The following ABCG1 variants were observed in gnomAD, a reference collection of about 807,000 sequenced individuals.
ABCG1 encodes ATP-binding cassette sub-family G member 1.
A neutral mutation model predicts 69.2 loss-of-function variants in ABCG1; 29 were observed. That is an observed-to-expected ratio of 0.42 (90% CI 0.31 to 0.57). ABCG1 has a LOEUF of 0.57. ABCG1 is among the 20% of genes least tolerant of loss of function. The probability of loss-of-function intolerance (pLI) is 0.15; values close to 1 mark genes in which losing one functional copy is unlikely to be tolerated. For synonymous variants in ABCG1, 370 were observed against 374.8 expected, an observed-to-expected ratio of 0.99 and a Z score of 0.15; for missense variants, 718 against 898.1, an observed-to-expected ratio of 0.80 and a Z score of 2.56.
At chr21:42,230,339 C>T (rs549236557) in intron 2 of ABCG1, among the ~76,000 whole-genome samples, 5 of 152,296 alleles carry the variant, frequency 3.3e-5, no homozygotes, top group South Asian at 2.1e-4. Context: ...ATAATTTCCC[C>T]GGCCTCAGAT....
intron 2 of ABCG1, among the ~76,000 whole-genome samples, chr21:42,226,525 G>C (rs1478414832): frequency 6.6e-6 from 1 of 152,230 alleles, no homozygotes; most frequent in East Asian, 1.9e-4. Flanking sequence ...CTAGCTTGTT[G>C]CATGTTACAG....
At chr21:42,286,659 C>T (rs751500918) in intron 8 of ABCG1, among the ~76,000 whole-genome samples, 43 of 152,236 alleles carry the variant, frequency 2.8e-4, no homozygotes, top group Middle Eastern at 3.4e-3. Flanking sequence ...AGTAACGGGT[C>T]ACTAACGGAT....
chr21:42,264,297 A>G (rs1463710884), intron 2 of ABCG1, among the ~76,000 whole-genome samples: 1 of 152,102 alleles, frequency 6.6e-6, no homozygotes, highest in African/African-American at 2.4e-5. Flanking sequence ...AACTCAGGAA[A>G]CTCTTTAGTA....
intron 2 of ABCG1, among the ~76,000 whole-genome samples, chr21:42,233,208 C>T (rs183838687): frequency 7.2e-5 from 11 of 152,294 alleles, no homozygotes; most frequent in African/African-American, 2.6e-4. Context: ...TTGTCACCTC[C>T]GTGCTCTGTG....
rs375115974 is a variant in ABCG1 at position 42,244,955 on chromosome 21, A to T, written c.286+19041A>T. Among the ~76,000 whole-genome samples the T allele has an allele frequency of 9.2e-5, 14 of 152,238 alleles. 1 individual carries two copies. Among genetic ancestry groups the T allele is most frequent in the Admixed American group, 2.0e-4 (3 of 15,292 alleles). Reference sequence around the variant, plus strand: ...GGGTGCATTGAAACCACAGGTGAGAACTCCATGTGGGAATCCACCACCCTC... The same window carrying T: ...GGGTGCATTGAAACCACAGGTGAGATCTCCATGTGGGAATCCACCACCCTC... On this transcript the variant is annotated intron_variant, in intron 2 of 14. Coordinates refer to ENST00000398449, the MANE Select transcript of ABCG1 (RefSeq NM_016818.3).
At chr21:42,252,209 G>A (rs1403104433) in intron 2 of ABCG1, among the ~76,000 whole-genome samples, 1 of 152,220 alleles carries the variant, frequency 6.6e-6, no homozygotes, top group Non-Finnish European at 1.5e-5. Context: ...TTCAGGGAGA[G>A]CAATAAGACC....
chr21:42,294,478 C>A (rs1488115374), intron 13 of ABCG1, 64 bp from the exon 14 acceptor site: 3 of 1,353,474 alleles, frequency 2.2e-6, no homozygotes, highest in Non-Finnish European at 3.2e-6. Context: ...CGTGGGCGAG[C>A]CTCCTCTGCA....
In ABCG1 at chr21:42,291,989, CA is replaced by C. The variant is rs1051051570; in HGVS notation, c.1653+336del. Among the ~76,000 whole-genome samples the C allele has an allele frequency of 6.6e-6, 1 of 152,168 alleles. No homozygotes were observed. Among genetic ancestry groups the C allele is most frequent in the Non-Finnish European group, 1.5e-5 (1 of 68,002 alleles). On this transcript the variant is annotated intron_variant, in intron 13 of 14. Coordinates refer to ENST00000398449, the MANE Select transcript of ABCG1 (RefSeq NM_016818.3). The surrounding 1 kb of genome is among the most constrained non-coding windows in gnomAD (Gnocchi z 6.4). ...AGGGGAGCACTGAGGCCCAGAGAGG[CA>C]AAGTGATTTGTCAGGGGGTCACACA...
intron 13 of ABCG1, among the ~76,000 whole-genome samples, chr21:42,293,648 C>G (rs2069139437): frequency 6.9e-6 from 1 of 144,322 alleles, no homozygotes; most frequent in Non-Finnish European, 1.5e-5. Flanking sequence ...ACCACACACA[C>G]TACACACCAC....
intron 2 of ABCG1, among the ~76,000 whole-genome samples, chr21:42,207,218 GATCTGTATATACAGTCCTACAGGCCCCTC>G (rs1473695580): frequency 1.3e-5 from 2 of 152,076 alleles, no homozygotes; most frequent in South Asian, 4.1e-4. Flanking sequence ...GCTTCTGTTA[GATCTGTATATACAGTCCTACAGGCCCCTC>G]AAGTTGTGTT....
chr21:42,219,987 C>G lies in ABCG1; in HGVS notation c.42+683C>G. 1.3e-6 allele frequency: 2 copies of G among 1,553,110 alleles called. No individual in the cohort carries two copies. The highest frequency in any genetic ancestry group is 1.7e-6 in the Non-Finnish European group (2 of 1,147,680). ...GGGGACAGGGATGCGCATTTCACTT[C>G]CCCGAGCTCCGGAGAGGGATGGCGG... On this transcript the variant is annotated intron_variant, in intron 1 of 14. Coordinates refer to ENST00000398449, the MANE Select transcript of ABCG1 (RefSeq NM_016818.3). The surrounding 1 kb of genome is among the most constrained non-coding windows in gnomAD (Gnocchi z 5.3).
chr21:42,252,039 C>G (rs184808327), intron 2 of ABCG1, among the ~76,000 whole-genome samples: 4 of 152,338 alleles, frequency 2.6e-5, no homozygotes, highest in Non-Finnish European at 5.9e-5. Flanking sequence ...GAAACCCCAG[C>G]TGTGGAAACG....
chr21:42,257,178 C>T (rs550418222), intron 2 of ABCG1, among the ~76,000 whole-genome samples: 13 of 152,242 alleles, frequency 8.5e-5, no homozygotes, highest in African/African-American at 2.4e-4. Context: ...AATTAGAGGC[C>T]GAATCTAGAG....
At chr21:42,237,160 T>G (rs542886660) in intron 2 of ABCG1, among the ~76,000 whole-genome samples, 1 of 152,352 alleles carries the variant, frequency 6.6e-6, no homozygotes, top group African/African-American at 2.4e-5. Context: ...TTTGTCACCT[T>G]CTCTCTTCCC....
intron 2 of ABCG1, among the ~76,000 whole-genome samples, chr21:42,264,663 A>G (rs2068472146): frequency 6.6e-6 from 1 of 152,040 alleles, no homozygotes; most frequent in South Asian, 2.1e-4. Context: ...AGGGCAAGAG[A>G]GAGAAGGTGG....
At chr21:42,220,655 C>T (rs1253934465) in intron 1 of ABCG1, among the ~76,000 whole-genome samples, 1 of 152,254 alleles carries the variant, frequency 6.6e-6, no homozygotes, top group Non-Finnish European at 1.5e-5. Context: ...GCCTTCCCTG[C>T]GTGGCTTCTA....
Position 42,227,749 on chromosome 21 carries a change from G to C in ABCG1, c.286+1835G>C, listed in dbSNP as rs940553394. Among the ~76,000 whole-genome samples the C allele has an allele frequency of 1.9e-4, 29 of 152,156 alleles. 1 individual carries two copies. Among genetic ancestry groups the C allele is most frequent in the Non-Finnish European group, 4.3e-4 (29 of 68,028 alleles). On this transcript the variant is annotated intron_variant, in intron 2 of 14. Transcript: ENST00000398449. ...AGAGGTTTAATTGGCTCACAGTTTG[G>C]CATGGTTGGGGAGGGCTCAGGAAAC...
chr21:42,286,256 A>G (rs1290575514), intron 8 of ABCG1: 2 of 416,536 alleles, frequency 4.8e-6, no homozygotes, highest in East Asian at 9.4e-5. Flanking sequence ...GACAGCAGTC[A>G]TTGGATTCAG....
At chr21:42,252,819 T>C (rs938379999) in intron 2 of ABCG1, among the ~76,000 whole-genome samples, 7 of 152,116 alleles carry the variant, frequency 4.6e-5, no homozygotes, top group Non-Finnish European at 4.4e-5. Flanking sequence ...TTAACCCCCA[T>C]TGGCAGCAGG....
Sources: allele counts gnomAD v4.1 joint callset (sites outside exome capture counted in the v4.1 genomes callset), GRCh38; gene constraint gnomAD v4.1.1; non-coding constraint Gnocchi (gnomAD v3.1); transcripts MANE v1.5; gene names NCBI Gene and HGNC (gene_info 2026-07-23, HGNC 2026-07-21).